The following NAT10 variants were observed in gnomAD, a reference collection of about 807,000 sequenced individuals.
NAT10 encodes the protein N-acetyltransferase 10.
In NAT10, 109 loss-of-function variants were observed where a neutral mutation model predicts 132.2. The observed-to-expected ratio is 0.82, with a 90% CI of 0.71 to 0.97. NAT10 has a LOEUF of 0.97. NAT10 is among the 50% of genes least tolerant of loss of function. The probability of loss-of-function intolerance (pLI) is 0.00; values close to 1 mark genes in which losing one functional copy is unlikely to be tolerated. For missense variants in NAT10, 1,184 were observed against 1,263.4 expected, an observed-to-expected ratio of 0.94 and a Z score of 0.95; for synonymous variants, 479 against 478.0, an observed-to-expected ratio of 1.00 and a Z score of -0.03.
At chr11:34,142,841 C>A (rs1441583929) in intron 27 of NAT10, among the ~76,000 whole-genome samples, 3 of 152,188 alleles carry the variant, frequency 2.0e-5, no homozygotes, top group African/African-American at 7.2e-5. Flanking sequence ...AATAATAACT[C>A]CAGAATTCAT....
In NAT10 at chr11:34,140,613, G is replaced by A. The variant is rs772569310; in HGVS notation, c.2592+41G>A. ...CTTGCGTGGAGGAGAAGCGAGGATT[G>A]TGGAGCTGTTCATTTGCTGGGTGTT... On this transcript the variant is annotated intron_variant, in intron 24 of 28. Transcript: ENST00000257829. The A allele has an allele frequency of 5.0e-6, 8 of 1,592,504 alleles. No homozygotes were observed. The Admixed American group carries it at 8.6e-5, about 17-fold the overall frequency.
intron 19 of NAT10, among the ~76,000 whole-genome samples, chr11:34,135,614 C>T (rs577969551): frequency 6.6e-6 from 1 of 152,296 alleles, no homozygotes; most frequent in South Asian, 2.1e-4. Flanking sequence ...GCTCTATAAT[C>T]TCTTTCATCC....
chr11:34,133,050 C>T lies in NAT10; in HGVS notation c.1642C>T (p.Leu548Phe). 3 of 1,614,166 alleles carry T rather than the reference C, an allele frequency of 1.9e-6. No homozygotes were observed. Among genetic ancestry groups the T allele is most frequent in the Non-Finnish European group, 2.5e-6 (3 of 1,180,012 alleles). ...YKNSPNDLQM[L>F]SDAPAHHLFC... is the part of the protein sequence containing the mutation. ...GAACTCTCCCAATGATCTCCAGATG[C>T]TCTCCGATGCACCTGCTCACCATCT... The change falls in exon 16 of 29, where the codon CTC (leucine) becomes TTC (phenylalanine). Residue 548 changes from leucine to phenylalanine, a missense_variant. Coordinates refer to ENST00000257829, the MANE Select transcript of NAT10 (RefSeq NM_024662.3).
Position 34,132,235 on chromosome 11 carries a change from G to C in NAT10, c.1617+14G>C. On this transcript the variant is annotated intron_variant, in intron 15 of 28. Transcript: ENST00000257829. ...TCTCACTACAAGGTAACTGCAGCTAGCCCTTGTGTGAATGGTAGCAGGGAG... is the reference window on the plus strand; with the variant it reads ...TCTCACTACAAGGTAACTGCAGCTACCCCTTGTGTGAATGGTAGCAGGGAG... The C allele has an allele frequency of 6.3e-7, 1 of 1,596,318 alleles. No homozygotes were observed.
intron 11 of NAT10, among the ~76,000 whole-genome samples, chr11:34,126,183 T>C (rs1851989971): frequency 6.6e-6 from 1 of 152,246 alleles, no homozygotes; most frequent in East Asian, 1.9e-4. Flanking sequence ...ATTTCAAATG[T>C]CATTTAGATT....
chr11:34,121,942 G>A (rs769330044), intron 8 of NAT10, among the ~76,000 whole-genome samples: 2 of 151,014 alleles, frequency 1.3e-5, no homozygotes, highest in African/African-American at 4.9e-5. Context: ...TTGGGAGGCT[G>A]AGGCAGGCGG....
In NAT10 at chr11:34,118,551, C is replaced by CA. The variant is rs780248454; in HGVS notation, c.780+49dup. The CA allele has an allele frequency of 7.3e-6, 11 of 1,501,720 alleles. No homozygotes were observed. The Admixed American group carries it at 2.1e-4, about 28-fold the overall frequency. 93.0% of individuals were successfully genotyped at this position (1,501,720 alleles called of 1,614,324 possible). On this transcript the variant is annotated intron_variant, in intron 8 of 28. Coordinates refer to ENST00000257829, the MANE Select transcript of NAT10 (RefSeq NM_024662.3). The stretch of plus-strand genomic sequence containing the variant: ...CCAACACAAAGGTAGTAAAACATAG[C>CA]ATACGGAGCGTAACAGAAGCCAAGG...
chr11:34,132,164 G>C lies in NAT10; in HGVS notation c.1560G>C (p.Lys520Asn), dbSNP rs1013698684. 6.2e-7 allele frequency: 1 copy of C among 1,614,014 alleles called. No individual in the cohort carries two copies. Among genetic ancestry groups the C allele is most frequent in the African/African-American group, 1.3e-5 (1 of 74,904 alleles). The change falls in exon 15 of 29, where the codon AAG becomes AAC. Residue 520 changes from lysine to asparagine, a missense_variant. Coordinates refer to ENST00000257829, the MANE Select transcript of NAT10 (RefSeq NM_024662.3). ...VNRDTLFCYH[K>N]ASEVFLQRLM... is the part of the protein sequence containing the mutation. ...GAGATACCCTCTTTTGCTACCACAAGGCCTCTGAAGTTTTCCTCCAACGGC... is the reference window on the plus strand; with the variant it reads ...GAGATACCCTCTTTTGCTACCACAACGCCTCTGAAGTTTTCCTCCAACGGC...
At chr11:34,135,410 G>A (rs768631547) in intron 19 of NAT10, 119 bp downstream of exon 19, 14 of 754,386 alleles carry the variant, frequency 1.9e-5, no homozygotes, top group Non-Finnish European at 2.7e-5. Context: ...ATTTTCTTCT[G>A]CTGCTTTCTC....
intron 5 of NAT10, among the ~76,000 whole-genome samples, chr11:34,114,143 G>C (rs905993385): frequency 6.6e-6 from 1 of 152,112 alleles, no homozygotes; most frequent in Admixed American, 6.6e-5. Context: ...TATTGTACAA[G>C]GAGCAATGCC....
intron 5 of NAT10, 25 bp from the exon 6 acceptor site, chr11:34,115,798 A>G: frequency 6.2e-7 from 1 of 1,613,012 alleles, no homozygotes; most frequent in Non-Finnish European, 8.5e-7. Context: ...TGCCTTTGTT[A>G]ATGGATGTTG....
chr11:34,113,701 G>A lies in NAT10; in HGVS notation c.373-15G>A, dbSNP rs776572548. ...ATTTGCATGACCAGCCCTTTCTAAC[G>A]CCCCCTTCTTCCAGGATTTTGAAGC... On this transcript the variant is annotated splice_polypyrimidine_tract_variant and intron_variant, in intron 4 of 28. Transcript: ENST00000257829. 11 of 1,562,514 alleles carry A rather than the reference G, an allele frequency of 7.0e-6. No homozygotes were observed. The highest frequency in any genetic ancestry group is 3.5e-5 in the Admixed American group (2 of 57,390).
chr11:34,131,489 C>T lies in NAT10; in HGVS notation c.1478C>T (p.Thr493Ile), dbSNP rs1852104396. 1.9e-6 allele frequency: 3 copies of T among 1,613,940 alleles called. No individual in the cohort carries two copies. The highest frequency in any genetic ancestry group is 8.5e-7 in the Non-Finnish European group (1 of 1,180,010). ...CTGTGCCTGGATTGCCTCAACATCA[C>T]TCGGATAGTCTCAGGCTGCCCCTTG... is the stretch of plus-strand genomic sequence containing the variant. ...DLLCLDCLNI[T>I]RIVSGCPLPE... Residue 493 changes from threonine (T) to isoleucine (I), a missense_variant, in exon 14 of 29, where the codon ACT (threonine) becomes ATT (isoleucine). By Grantham distance (89) the Thr-to-Ile change is moderately conservative. Transcript: ENST00000257829.
Position 34,134,558 on chromosome 11 carries a change from G to T in NAT10, c.1883G>T (p.Arg628Leu). Residue 628 changes from arginine (R) to leucine (L), a missense_variant, in exon 18 of 29, where the codon CGC becomes CTC. By Grantham distance (102) the Arg-to-Leu change is moderately radical. Transcript: ENST00000257829. ...GGTCTGTCTGGTGGAAGGGTCGTTC[G>T]CATTGCTGTTCACCCAGATTATCAA... ...FGGLSGGRVV[R>L]IAVHPDYQGM... The T allele has an allele frequency of 6.2e-7, 1 of 1,614,096 alleles. No homozygotes were observed. Among genetic ancestry groups the T allele is most frequent in the Non-Finnish European group, 8.5e-7 (1 of 1,180,014 alleles).
intron 3 of NAT10, among the ~76,000 whole-genome samples, chr11:34,111,639 G>A (rs1158980735): frequency 2.0e-5 from 3 of 152,158 alleles, no homozygotes; most frequent in Non-Finnish European, 2.9e-5. Flanking sequence ...ATAAAGTAAC[G>A]TGCCATCACC....
chr11:34,142,207 T>C, intron 26 of NAT10, 68 bp from the exon 27 acceptor site: 1 of 1,465,722 alleles, frequency 6.8e-7, no homozygotes. Context: ...CACCCCAGCT[T>C]CACCTTTTCC....
Position 34,112,137 on chromosome 11 carries a change from T to C in NAT10, c.286T>C (p.Phe96Leu). Residue 96 changes from phenylalanine (F) to leucine (L), a missense_variant, in exon 4 of 29, where the codon TTC becomes CTC. Phe to Leu is a conservative substitution (Grantham distance 22). Transcript: ENST00000257829. ...AAAGCAGGACGACCCCTTTGAACTCTTCATAGCAGCCACAAACATTCGCTA... is the reference window on the plus strand; with the variant it reads ...AAAGCAGGACGACCCCTTTGAACTCCTCATAGCAGCCACAAACATTCGCTA... ...NIKQDDPFEL[F>L]IAATNIRYCY... is the part of the protein sequence containing the mutation. 6.2e-7 allele frequency: 1 copy of C among 1,614,222 alleles called. No homozygotes were observed. The highest frequency in any genetic ancestry group is 8.5e-7 in the Non-Finnish European group (1 of 1,180,042).
In NAT10 at chr11:34,112,224, G is replaced by A; in HGVS notation, c.372+1G>A. 1.2e-6 allele frequency: 2 copies of A among 1,614,186 alleles called. No homozygotes were observed. The highest frequency in any genetic ancestry group is 1.7e-6 in the Non-Finnish European group (2 of 1,180,022). On this transcript the variant is annotated splice_donor_variant, in intron 4 of 28. Coordinates refer to ENST00000257829, the MANE Select transcript of NAT10 (RefSeq NM_024662.3). LOFTEE classifies it high-confidence loss of function. ...TACCTTCGGCATGTGTGTGCTGCAG[G>A]TGGGTGGCTTCCTCTAACCTGTGAT...
rs1010631947 is a variant in NAT10, at chr11:34,122,600, G to T, written c.914+8G>T. On this transcript the variant is annotated splice_region_variant and intron_variant, in intron 9 of 28. Transcript: ENST00000257829. ...TGGGGCGGTGGCATTTGGGTAAGGG[G>T]ATTCAGTCCCCCATCTTTAGGAACT... 1.2e-6 allele frequency: 2 copies of T among 1,613,558 alleles called. No homozygotes were observed. Among genetic ancestry groups the T allele is most frequent in the African/African-American group, 2.7e-5 (2 of 74,930 alleles).
Sources: gnomAD v4.1 joint callset for allele counts (sites outside exome capture counted in the v4.1 genomes callset) on GRCh38, gnomAD v4.1.1 for gene constraint, MANE v1.5 for transcripts, NCBI Gene and HGNC (gene_info 2026-07-23, HGNC 2026-07-21) for gene names.